FOCAD: variants seen among roughly 807,000 people sequenced by gnomAD.
The protein encoded by FOCAD is KIAA1797.
In FOCAD, 198 loss-of-function variants were observed where a neutral mutation model predicts 225.6. The ratio of observed to expected loss-of-function variants is 0.88; its 90% CI spans 0.78 to 0.99. The LOEUF is 0.99. FOCAD is among the 50% of genes least tolerant of loss of function. The pLI is 0.00. For synonymous variants in FOCAD, 897 were observed against 755.0 expected, an observed-to-expected ratio of 1.19 and a Z score of -3.08; for missense variants, 2,713 against 2,123.6, an observed-to-expected ratio of 1.28 and a Z score of -5.46.
At chr9:20,857,131 A>G (rs1828265991) in intron 15 of FOCAD, among the ~76,000 whole-genome samples, 1 of 152,004 alleles carries the variant, frequency 6.6e-6, no homozygotes, top group Non-Finnish European at 1.5e-5. Context: ...GAAGAATGTA[A>G]TTGTTATTTT....
intron 15 of FOCAD, among the ~76,000 whole-genome samples, chr9:20,852,624 C>T (rs1272946067): frequency 6.6e-6 from 1 of 151,744 alleles, no homozygotes; most frequent in South Asian, 2.1e-4. Context: ...AAAACTTTAT[C>T]TTTGAAGTTT....
chr9:20,926,050 A>G (rs1438175976), intron 25 of FOCAD, among the ~76,000 whole-genome samples: 1 of 152,180 alleles, frequency 6.6e-6, no homozygotes, highest in Non-Finnish European at 1.5e-5. Context: ...TCTGTTTTGC[A>G]GCATCTATCC....
rs751704519 is a variant in FOCAD at position 20,874,670 on chromosome 9, T to C, written c.2191-11T>C. On this transcript the variant is annotated splice_polypyrimidine_tract_variant and intron_variant, in intron 18 of 43. Coordinates refer to ENST00000338382, the MANE Select transcript of FOCAD (RefSeq NM_001375567.1). ...TTATCCTCTCTATGATCTTTTCGCT[T>C]ATCATTTCAGATAAGACCAGAAATT... is the stretch of plus-strand genomic sequence containing the variant. 2.5e-6 allele frequency: 4 copies of C among 1,611,824 alleles called. No individual in the cohort carries two copies. Among genetic ancestry groups the C allele is most frequent in the East Asian group, 2.2e-5 (1 of 44,798 alleles).
At chr9:20,676,368 C>G (rs540773124) in intron 2 of FOCAD, among the ~76,000 whole-genome samples, 25 of 152,274 alleles carry the variant, frequency 1.6e-4, no homozygotes, top group East Asian at 3.9e-4. Context: ...AAACTCAGGC[C>G]TGAGACTTCT....
At chr9:20,821,254 C>G (rs1025563511) in intron 14 of FOCAD, among the ~76,000 whole-genome samples, 183 bp downstream of exon 14, 8 of 151,876 alleles carry the variant, frequency 5.3e-5, no homozygotes, top group African/African-American at 1.9e-4. Context: ...AGAAGTATGT[C>G]TTTTCTTTTC....
At chr9:20,983,329 T>G (rs1285267862) in intron 39 of FOCAD, among the ~76,000 whole-genome samples, 2 of 152,102 alleles carry the variant, frequency 1.3e-5, no homozygotes, top group African/African-American at 2.4e-5. Context: ...ATCCCAGCAC[T>G]TTGGGAGGCC....
chr9:20,985,527 C>T (rs960259036), intron 39 of FOCAD, among the ~76,000 whole-genome samples: 2 of 152,108 alleles, frequency 1.3e-5, no homozygotes, highest in African/African-American at 2.4e-5. Context: ...CTGTCAAATA[C>T]CCAGGTTGAA....
rs192535629 is a variant in FOCAD at position 20,959,131 on chromosome 9, A to G, written c.4132+6066A>G. On this transcript the variant is annotated intron_variant, in intron 35 of 43. Transcript: ENST00000338382. ...CTCCCTACTGTTATTTATAGTGGGT[A>G]TACTAGTTTACATTCCCACCAACAG... is the stretch of plus-strand genomic sequence containing the variant. Among the ~76,000 whole-genome samples, 2 of 152,132 alleles carry G rather than the reference A, an allele frequency of 1.3e-5. 1 individual carries two copies. The highest frequency in any genetic ancestry group is 4.8e-5 in the African/African-American group (2 of 41,418).
chr9:20,696,898 A>C (rs1031157862), intron 1 of FOCAD, among the ~76,000 whole-genome samples: 1 of 152,202 alleles, frequency 6.6e-6, no homozygotes, highest in Non-Finnish European at 1.5e-5. Flanking sequence ...TGCTACCCTC[A>C]AGGGTGAGAT....
chr9:20,687,060 A>T (rs1300709565), intron 1 of FOCAD, among the ~76,000 whole-genome samples: 1 of 151,716 alleles, frequency 6.6e-6, no homozygotes, highest in Non-Finnish European at 1.5e-5. Flanking sequence ...TTATGATTTT[A>T]AAAGTTTATA....
intron 1 of FOCAD, among the ~76,000 whole-genome samples, chr9:20,712,913 A>G (rs1403795215): frequency 2.6e-5 from 4 of 151,712 alleles, no homozygotes; most frequent in African/African-American, 9.7e-5. Context: ...TTGTATTTTT[A>G]GTAGAGACAG....
intron 28 of FOCAD, among the ~76,000 whole-genome samples, chr9:20,935,944 T>G (rs1835905471): frequency 6.6e-6 from 1 of 152,204 alleles, no homozygotes; most frequent in Non-Finnish European, 1.5e-5. Flanking sequence ...TCTCATTTCA[T>G]TAATGAAAGA....
upstream of FOCAD, chr9:20,683,997 C>T (rs1217217366): frequency 6.6e-6 from 1 of 152,308 alleles, no homozygotes. Flanking sequence ...GGGCTAACTC[C>T]TCACTGCGGT....
chr9:20,868,697 T>A (rs1272028185), intron 18 of FOCAD, among the ~76,000 whole-genome samples: 1 of 152,112 alleles, frequency 6.6e-6, no homozygotes, highest in East Asian at 1.9e-4. Context: ...TTTGTAGCTA[T>A]GCTTTTCAGC....
intron 15 of FOCAD, among the ~76,000 whole-genome samples, chr9:20,834,748 T>C (rs1251753714): frequency 1.3e-5 from 2 of 151,976 alleles, no homozygotes; most frequent in Non-Finnish European, 2.9e-5. Context: ...AGGAGGAAAT[T>C]TTCTGGACTG....
intron 2 of FOCAD, among the ~76,000 whole-genome samples, chr9:20,668,471 C>T (rs1305633890): frequency 6.6e-6 from 1 of 152,198 alleles, no homozygotes; most frequent in Non-Finnish European, 1.5e-5. Context: ...TTACAAACAG[C>T]TAACTATTGT....
intron 6 of FOCAD, among the ~76,000 whole-genome samples, chr9:20,763,615 T>C (rs1323070978): frequency 1.3e-5 from 2 of 152,128 alleles, no homozygotes; most frequent in Non-Finnish European, 2.9e-5. Context: ...GGAGAAGGAA[T>C]AGGACGGGTA....
At chr9:20,902,758 A>G (rs1832662721) in intron 21 of FOCAD, among the ~76,000 whole-genome samples, 1 of 151,916 alleles carries the variant, frequency 6.6e-6, no homozygotes, top group South Asian at 2.1e-4. Context: ...ATTGAGTCTC[A>G]AGGCAAGGGA....
At chr9:20,741,252 A>G (rs182087889) in intron 5 of FOCAD, among the ~76,000 whole-genome samples, 2 of 152,294 alleles carry the variant, frequency 1.3e-5, no homozygotes, top group Admixed American at 1.3e-4. Context: ...CAACACAGGT[A>G]TCAGAAGTGT....
Sources: allele counts gnomAD v4.1 joint callset (sites outside exome capture counted in the v4.1 genomes callset), GRCh38; gene constraint gnomAD v4.1.1; transcripts MANE v1.5; gene names NCBI Gene and HGNC (gene_info 2026-07-23, HGNC 2026-07-21).